RBX1: variants seen among roughly 807,000 people sequenced by gnomAD.
The protein encoded by RBX1 is E3 ubiquitin-protein ligase RBX1.
For missense variants in RBX1, 46 were observed against 141.4 expected (o/e 0.33, Z 3.42); for synonymous variants, 48 against 47.9 (o/e 1.00, Z -0.01).
chr22:40,968,675 T>C (rs1445171554), intron 4 of RBX1, among the ~76,000 whole-genome samples: 3 of 152,198 alleles, frequency 2.0e-5, no homozygotes, highest in African/African-American at 7.2e-5. Context: ...TACCACAGAA[T>C]ATGAATTTCC....
intron 2 of RBX1, among the ~76,000 whole-genome samples, chr22:40,961,639 C>T (rs1229173779): frequency 6.6e-6 from 1 of 151,900 alleles, no homozygotes; most frequent in Non-Finnish European, 1.5e-5. Flanking sequence ...CTCCTGACCT[C>T]GTGACCCACC....
intron 3 of RBX1, chr22:40,964,327 C>T (rs1204586960): frequency 4.5e-6 from 2 of 443,656 alleles, no homozygotes; most frequent in Non-Finnish European, 8.2e-6. Context: ...ACTTATTTGT[C>T]TTAATTATAA....
intron 3 of RBX1, among the ~76,000 whole-genome samples, chr22:40,965,481 C>T (rs2058351800): frequency 6.7e-6 from 1 of 148,254 alleles, no homozygotes; most frequent in Non-Finnish European, 1.5e-5. Context: ...CACTATGTGG[C>T]CCAGGCTGGA....
Position 40,951,428 on chromosome 22 carries a change from G to C in RBX1, c.30G>C (p.Pro10=). The C allele has an allele frequency of 6.2e-7, 1 of 1,613,618 alleles. No homozygotes were observed. The highest frequency in any genetic ancestry group is 8.5e-7 in the Non-Finnish European group (1 of 1,179,866). The change falls in exon 1 of 5, where the codon CCG becomes CCC. Residue 10 remains proline, a synonymous_variant. Transcript: ENST00000216225. ...CGGCAGCGATGGATGTGGATACCCC[G>C]AGCGGCACCAACAGCGGCGCGGGCA... MAAAMDVDT[P]SGTNSGAGKK...
In RBX1 at chr22:40,965,493, C is replaced by T. The variant is rs373136018; in HGVS notation, c.228+1376C>T. Among the ~76,000 whole-genome samples, 5 of 149,076 alleles carry T rather than the reference C, an allele frequency of 3.4e-5. No individual in the cohort carries two copies. The South Asian group carries it at 6.4e-4, about 19-fold the overall frequency. ...TCTCACTATGTGGCCCAGGCTGGAG[C>T]GCAGTGACGCAGTCCCGGCTTACTG... On this transcript the variant is annotated intron_variant, in intron 3 of 4. Transcript: ENST00000216225.
intron 1 of RBX1, among the ~76,000 whole-genome samples, chr22:40,952,983 C>CTTTTTTTTTTTTTTTTTTTTT (rs34618218): frequency 1.2e-5 from 1 of 86,874 alleles, no homozygotes; most frequent in Non-Finnish European, 2.2e-5. Context: ...AGTTTGTGCC[C>CTTTTTTTTTTTTTTTTTTTTT]TTTTTTTTTT....
At chr22:40,953,237 G>C (rs572505418) in intron 1 of RBX1, among the ~76,000 whole-genome samples, 1 of 152,022 alleles carries the variant, frequency 6.6e-6, no homozygotes, top group Non-Finnish European at 1.5e-5. Flanking sequence ...TGATCGGCCC[G>C]CCTCGGCCTC....
intron 2 of RBX1, among the ~76,000 whole-genome samples, chr22:40,963,827 C>T (rs577317093): frequency 2.6e-5 from 4 of 152,164 alleles, no homozygotes; most frequent in East Asian, 3.8e-4. Flanking sequence ...GCCTGGGCAA[C>T]GGGAGTGAGA....
chr22:40,970,704 A>G (rs1378294216), intron 4 of RBX1, among the ~76,000 whole-genome samples: 1 of 152,112 alleles, frequency 6.6e-6, no homozygotes, highest in Non-Finnish European at 1.5e-5. Flanking sequence ...GAGTTTCTTA[A>G]TTTAAATACG....
chr22:40,963,989 T>C (rs971775759), intron 2 of RBX1, 58 bp from the exon 3 acceptor site: 1 of 1,313,938 alleles, frequency 7.6e-7, no homozygotes, highest in Non-Finnish European at 1.1e-6. Flanking sequence ...TTGGCTGCTA[T>C]AGATTGAAAC....
chr22:40,951,394 C>T lies in RBX1; in HGVS notation c.-5C>T, dbSNP rs773578159. On this transcript the variant is annotated 5_prime_UTR_variant, in exon 1 of 5. Transcript: ENST00000216225. The stretch of plus-strand genomic sequence containing the variant: ...TGGTCGGACGACAGACCGTGTGTTT[C>T]CAAAATGGCGGCAGCGATGGATGTG... 5 of 1,612,656 alleles carry T rather than the reference C, an allele frequency of 3.1e-6. No individual in the cohort carries two copies. In the South Asian group the frequency reaches 3.3e-5, roughly 11 times the overall value.
At chr22:40,965,196 G>A (rs1292092125) in intron 3 of RBX1, among the ~76,000 whole-genome samples, 3 of 151,796 alleles carry the variant, frequency 2.0e-5, no homozygotes, top group Non-Finnish European at 2.9e-5. Context: ...CCAGCTACTC[G>A]GGAGGCTGAG....
intron 4 of RBX1, among the ~76,000 whole-genome samples, chr22:40,972,147 G>A (rs2058370746): frequency 6.6e-6 from 1 of 152,152 alleles, no homozygotes; most frequent in Admixed American, 6.6e-5. Context: ...GTGAGCAGGC[G>A]GAGCTCCCTT....
intron 2 of RBX1, among the ~76,000 whole-genome samples, chr22:40,954,072 C>G (rs2058318532): frequency 6.6e-6 from 1 of 152,074 alleles, no homozygotes. Context: ...AGGAGTTGAC[C>G]AACCTGGCCA....
At chr22:40,957,623 G>T (rs1051909313) in intron 2 of RBX1, among the ~76,000 whole-genome samples, 1 of 152,174 alleles carries the variant, frequency 6.6e-6, no homozygotes, top group Non-Finnish European at 1.5e-5. Context: ...AGGTGAGAGA[G>T]TGAGACCCTA....
chr22:40,957,212 G>A (rs954283680), intron 2 of RBX1, among the ~76,000 whole-genome samples: 22 of 151,966 alleles, frequency 1.4e-4, no homozygotes, highest in African/African-American at 4.8e-4. Context: ...AGGCGTGGTA[G>A]CACGCACCTG....
At chr22:40,956,762 G>A (rs774789482) in intron 2 of RBX1, among the ~76,000 whole-genome samples, 4 of 151,770 alleles carry the variant, frequency 2.6e-5, no homozygotes, top group Non-Finnish European at 4.4e-5. Flanking sequence ...TAGGCCAGGC[G>A]TGGTGGCTTA....
chr22:40,951,678 G>T (rs1031925803), intron 1 of RBX1, among the ~76,000 whole-genome samples: 2 of 152,124 alleles, frequency 1.3e-5, no homozygotes, highest in African/African-American at 2.4e-5. Flanking sequence ...TGTTGGTTTC[G>T]CTGTGAGGCT....
intron 3 of RBX1, among the ~76,000 whole-genome samples, chr22:40,965,720 G>A (rs767850098): frequency 1.3e-5 from 2 of 152,164 alleles, no homozygotes; most frequent in Admixed American, 6.6e-5. Context: ...GGGATTACAG[G>A]CGTGAGCCAC....
Sources: gnomAD v4.1 joint callset for allele counts (sites outside exome capture counted in the v4.1 genomes callset) on GRCh38, gnomAD v4.1.1 for gene constraint, MANE v1.5 for transcripts, NCBI Gene and HGNC (gene_info 2026-07-23, HGNC 2026-07-21) for gene names.